Variants in STXBP5 observed in about 807,000 individuals in gnomAD.
STXBP5 encodes the protein syntaxin binding protein 5.
Under a neutral mutation model 152.4 loss-of-function variants are expected in STXBP5, and 50 were observed. That is an observed-to-expected ratio of 0.33 (90% CI 0.26 to 0.42). The LOEUF (loss-of-function observed/expected upper bound fraction) is 0.42, where lower values mean the gene tolerates loss of function less well. Among genes scored for constraint, STXBP5 ranks in the 10% least tolerant of loss-of-function variants. STXBP5 has a pLI of 1.00. For synonymous variants in STXBP5, 492 were observed against 494.7 expected, an observed-to-expected ratio of 0.99 and a Z score of 0.07; for missense variants, 1,167 against 1,388.6, an observed-to-expected ratio of 0.84 and a Z score of 2.54.
At chr6:147,376,303 A>G (rs1785806849) in intron 26 of STXBP5, among the ~76,000 whole-genome samples, 1 of 152,206 alleles carries the variant, frequency 6.6e-6, no homozygotes, top group South Asian at 2.1e-4. Flanking sequence ...AATTTATAGG[A>G]TAACCTGTAA....
At chr6:147,359,871 T>C (rs1479421870) in intron 23 of STXBP5, among the ~76,000 whole-genome samples, 2 of 152,050 alleles carry the variant, frequency 1.3e-5, no homozygotes, top group Non-Finnish European at 2.9e-5. Context: ...TGTTGGACAT[T>C]TGGGTTGGTT....
At chr6:147,235,059 C>G (rs560945475) in intron 2 of STXBP5, among the ~76,000 whole-genome samples, 191 bp from the exon 3 acceptor site, 79 of 151,846 alleles carry the variant, frequency 5.2e-4, no homozygotes, top group Non-Finnish European at 9.1e-4. Context: ...TTGTTTAAAC[C>G]TGTAATCTCT....
At chr6:147,228,957 A>T (rs1449921001) in intron 2 of STXBP5, among the ~76,000 whole-genome samples, 1 of 152,116 alleles carries the variant, frequency 6.6e-6, no homozygotes, top group African/African-American at 2.4e-5. Context: ...CATGATCAAC[A>T]TTCTTATTTG....
intron 4 of STXBP5, among the ~76,000 whole-genome samples, chr6:147,256,321 TTAG>T (rs1206384346): frequency 6.7e-6 from 1 of 150,176 alleles, no homozygotes; most frequent in Non-Finnish European, 1.5e-5. Context: ...ACACATCCAA[TTAG>T]TAGAAATGTA....
chr6:147,274,316 A>T (rs1021967836), intron 7 of STXBP5, among the ~76,000 whole-genome samples: 1 of 152,102 alleles, frequency 6.6e-6, no homozygotes, highest in Non-Finnish European at 1.5e-5. Flanking sequence ...GCTGGAGTGC[A>T]ATGGGGTTGG....
chr6:147,353,455 G>C lies in STXBP5; in HGVS notation c.2305+82G>C, dbSNP rs1447879226. 7 of 902,564 alleles carry C rather than the reference G, an allele frequency of 7.8e-6. No individual in the cohort carries two copies. In the South Asian group the frequency reaches 1.2e-4, roughly 15 times the overall value. The allele number at this position is 902,564 out of a possible 1,614,324, so 55.9% of individuals were successfully genotyped here. A position where few individuals can be genotyped will look rare whatever the true frequency, so the allele number is the denominator to read the frequency against. ...ATCAGAAAATTTATAGTTACTGTAA[G>C]ATAGTCATTGGAAAGCAAGTTTAAA... On this transcript the variant is annotated intron_variant, in intron 22 of 27. Transcript: ENST00000321680.
chr6:147,355,626 ACT>A (rs1041863177), intron 22 of STXBP5, among the ~76,000 whole-genome samples: 1 of 152,084 alleles, frequency 6.6e-6, no homozygotes, highest in African/African-American at 2.4e-5. Flanking sequence ...ACAAATTCTG[ACT>A]CTACCACATA....
At chr6:147,311,003 AT>A (rs1782347652) in intron 10 of STXBP5, among the ~76,000 whole-genome samples, 1 of 152,160 alleles carries the variant, frequency 6.6e-6, no homozygotes, top group African/African-American at 2.4e-5. Flanking sequence ...AAGAATTTAA[AT>A]CTGGACCTTT....
intron 9 of STXBP5, among the ~76,000 whole-genome samples, chr6:147,296,418 G>GTCTTAACAAAGGAGATAAAAGA (rs1781529264): frequency 1.3e-5 from 2 of 152,044 alleles, no homozygotes; most frequent in Admixed American, 6.5e-5. Flanking sequence ...ACTACATCAT[G>GTCTTAACAAAGGAGATAAAAGA]TCTCCACCCA....
intron 6 of STXBP5, among the ~76,000 whole-genome samples, chr6:147,265,585 C>T (rs1009756454): frequency 1.3e-5 from 2 of 151,938 alleles, no homozygotes; most frequent in African/African-American, 4.8e-5. Context: ...TAGAGGATTG[C>T]TTATTGAATG....
chr6:147,206,279 A>G (rs1776553002), intron 2 of STXBP5, among the ~76,000 whole-genome samples: 1 of 152,210 alleles, frequency 6.6e-6, no homozygotes, highest in South Asian at 2.1e-4. Flanking sequence ...GTAGCTAAAC[A>G]TATATCCAAA....
At chr6:147,215,940 AATATC>A (rs1360812690) in intron 2 of STXBP5, among the ~76,000 whole-genome samples, 1 of 152,168 alleles carries the variant, frequency 6.6e-6, no homozygotes, top group Non-Finnish European at 1.5e-5. Flanking sequence ...TATCTTTCTT[AATATC>A]ATATACATAT....
At chr6:147,275,767 C>G (rs566051660) in intron 7 of STXBP5, among the ~76,000 whole-genome samples, 3 of 151,822 alleles carry the variant, frequency 2.0e-5, no homozygotes, top group Non-Finnish European at 4.4e-5. Flanking sequence ...CCGTGTTAGC[C>G]AGGATGGTCT....
chr6:147,372,083 A>G (rs1448146073), intron 25 of STXBP5, among the ~76,000 whole-genome samples: 1 of 152,132 alleles, frequency 6.6e-6, no homozygotes, highest in East Asian at 1.9e-4. Flanking sequence ...TTGAATTCAG[A>G]AAGTGTTTTA....
At chr6:147,207,983 G>A (rs2115017820) in intron 2 of STXBP5, among the ~76,000 whole-genome samples, 1 of 152,258 alleles carries the variant, frequency 6.6e-6, no homozygotes, top group Admixed American at 6.5e-5. Context: ...GGCACAAAAG[G>A]TGTAAAGCGT....
chr6:147,234,234 A>G (rs563046779), intron 2 of STXBP5, among the ~76,000 whole-genome samples: 3 of 152,010 alleles, frequency 2.0e-5, no homozygotes, highest in South Asian at 4.1e-4. Context: ...ACTTTAGGGT[A>G]ATAGTTAATA....
intron 26 of STXBP5, among the ~76,000 whole-genome samples, chr6:147,375,814 TA>T (rs1292784682): frequency 2.0e-5 from 3 of 151,966 alleles, no homozygotes; most frequent in African/African-American, 4.8e-5. Flanking sequence ...AAATTATAGA[TA>T]TTTTTTAACA....
Position 147,384,776 on chromosome 6 carries a change from C to A in STXBP5, c.*21C>A, listed in dbSNP as rs778378178. 3.3e-5 allele frequency: 53 copies of A among 1,601,824 alleles called. No individual in the cohort carries two copies. On this transcript the variant is annotated 3_prime_UTR_variant, in exon 28 of 28. Transcript: ENST00000321680. ...TCTGACAACCAGAATCCAATAAGTC[C>A]AACTTCAGCCAGAAGGAAAAAAGTT...
intron 2 of STXBP5, among the ~76,000 whole-genome samples, chr6:147,210,809 A>G (rs1452329000): frequency 1.3e-5 from 2 of 152,204 alleles, no homozygotes; most frequent in Admixed American, 6.5e-5. Context: ...TGGTGGATAC[A>G]TGATTATTAC....
Sources: allele counts gnomAD v4.1 joint callset (sites outside exome capture counted in the v4.1 genomes callset), GRCh38; gene constraint gnomAD v4.1.1; transcripts MANE v1.5; gene names NCBI Gene and HGNC (gene_info 2026-07-23, HGNC 2026-07-21).